Variants in ZNF232 observed in about 807,000 individuals in gnomAD.
ZNF232 encodes zinc finger and SCAN domain-containing protein 11.
In ZNF232, 25 loss-of-function variants were observed where a neutral mutation model predicts 25.2. The observed-to-expected ratio is 0.99, with a 90% CI of 0.72 to 1.39. The LOEUF (loss-of-function observed/expected upper bound fraction) is 1.39, where lower values mean the gene tolerates loss of function less well. ZNF232 is among the 40% of genes most tolerant of loss of function. The pLI is 0.00. For synonymous variants in ZNF232, 193 were observed against 182.9 expected (o/e 1.06, Z -0.45); for missense variants, 519 against 520.9 (o/e 1.00, Z 0.04).
At chr17:5,120,855 G>T in intron 1 of ZNF232, 1 of 454,534 alleles carries the variant, frequency 2.2e-6, no homozygotes. Flanking sequence ...GGTGCAGCTG[G>T]AACGCTGGCA....
chr17:5,109,463 G>A, exon 2 of ZNF232: 1 of 1,614,114 alleles, frequency 6.2e-7, no homozygotes. Flanking sequence ...CACTCTTAGG[G>A]TGATGTCCCC....
In ZNF232 at chr17:5,109,050, G is replaced by A. The variant is rs765508004; in HGVS notation, c.501C>T (p.Val167=). The A allele has an allele frequency of 2.5e-6, 4 of 1,613,852 alleles. No homozygotes were observed. In the Admixed American group the frequency reaches 5.0e-5, roughly 20 times the overall value. The change falls in exon 3 of 4, where the codon GTC becomes GTT. Residue 167 remains valine, a splice_region_variant and synonymous_variant. Transcript: ENST00000575898. ...GTGCAGGTCCATGTGCAGGGCCTGG[G>A]ACCTGGAGGTGATCAGGCACCACTC...
chr17:5,112,940 C>G (rs2072453306), upstream of ZNF232, among the ~76,000 whole-genome samples: 1 of 151,160 alleles, frequency 6.6e-6, no homozygotes, highest in African/African-American at 2.4e-5. Context: ...GCCTGGGCGA[C>G]AGAGTGAGAC....
chr17:5,108,814 T>C lies in ZNF232; in HGVS notation c.625+112A>G, dbSNP rs2072323374. ...AGAGATAAGAATAGTAAGGCTGTGATGATACCAAACATTTAAGCACCTACT... is the reference window on the plus strand; with the variant it reads ...AGAGATAAGAATAGTAAGGCTGTGACGATACCAAACATTTAAGCACCTACT... On this transcript the variant is annotated intron_variant, in intron 3 of 3. Transcript: ENST00000575898. The C allele has an allele frequency of 2.0e-6, 3 of 1,519,998 alleles. No individual in the cohort carries two copies. The Admixed American group carries it at 5.6e-5, about 28-fold the overall frequency. The allele number at this position is 1,519,998 out of a possible 1,614,324, so 94.2% of individuals were successfully genotyped here.
intron 1 of ZNF232, 126 bp downstream of exon 1, chr17:5,111,674 C>T (rs568431172): frequency 1.4e-5 from 21 of 1,490,360 alleles, no homozygotes; most frequent in Admixed American, 1.9e-5. Context: ...GCAACCCAAA[C>T]CCCTCTCCAC....
chr17:5,122,111 C>A (rs2072688985), intron 1 of ZNF232, among the ~76,000 whole-genome samples: 1 of 151,162 alleles, frequency 6.6e-6, no homozygotes, highest in African/African-American at 2.4e-5. Flanking sequence ...GGGAGTGTGG[C>A]CAGAGAAGTC....
chr17:5,106,659 T>A (rs2072268193), intron 3 of ZNF232, 126 bp from the exon 4 acceptor site: 1 of 824,188 alleles, frequency 1.2e-6, no homozygotes, highest in Non-Finnish European at 1.8e-6. Context: ...CCAACAGTTA[T>A]CTCTTGGTGA....
At chr17:5,112,457 T>A (rs534578764), upstream of ZNF232, 8 of 152,104 alleles carry the variant, frequency 5.3e-5, no homozygotes, top group South Asian at 2.1e-4. Flanking sequence ...TTTTTTATTT[T>A]ATTTATTTAT....
upstream of ZNF232, among the ~76,000 whole-genome samples, chr17:5,112,968 A>G (rs1489733486): frequency 1.3e-5 from 2 of 151,232 alleles, no homozygotes; most frequent in African/African-American, 4.9e-5. Context: ...CAAAAAAAAA[A>G]TTAATTAAAA....
intron 1 of ZNF232, chr17:5,111,082 G>C (rs1028347144): frequency 1.3e-5 from 2 of 152,224 alleles, no homozygotes; most frequent in Middle Eastern, 6.3e-3. Context: ...ATACAGTAGA[G>C]GAAGAAGTCA....
chr17:5,109,804 C>T, exon 2 of ZNF232: 2 of 1,614,204 alleles, frequency 1.2e-6, no homozygotes, highest in East Asian at 4.5e-5. Flanking sequence ...GTTAGTGATA[C>T]AGCCATCCTA....
In ZNF232 at chr17:5,105,735, C is replaced by A; in HGVS notation, c.*89G>T. On this transcript the variant is annotated 3_prime_UTR_variant, in exon 4 of 4. Coordinates refer to ENST00000575898, the Ensembl canonical transcript of ZNF232. ...AAATCAAGAAAGACACAGGAAAAAT[C>A]TTAAGGAACTTATAACTTTTATGGG... 7.8e-7 allele frequency: 1 copy of A among 1,288,184 alleles called. No homozygotes were observed. Among genetic ancestry groups the A allele is most frequent in the Non-Finnish European group, 1.1e-6 (1 of 946,752 alleles). The allele number at this position is 1,288,184 out of a possible 1,614,324, so 79.8% of individuals were successfully genotyped here. A position where few individuals can be genotyped will look rare whatever the true frequency, so the allele number is the denominator to read the frequency against.
At chr17:5,109,849 T>A in exon 2 of ZNF232, 1 of 1,608,544 alleles carries the variant, frequency 6.2e-7, no homozygotes, top group Non-Finnish European at 8.5e-7. Flanking sequence ...TCATACCAGC[T>A]GGAATCTTGC....
exon 3 of ZNF232, chr17:5,109,036 T>A: frequency 3.1e-6 from 5 of 1,614,116 alleles, no homozygotes; most frequent in Non-Finnish European, 4.2e-6. Flanking sequence ...TGCAGGTCCA[T>A]GTGCAGGGCC....
chr17:5,120,814 T>G, intron 1 of ZNF232: 1 of 452,554 alleles, frequency 2.2e-6, no homozygotes, highest in Admixed American at 2.4e-5. Context: ...TAAGCAGGTG[T>G]GCACACATGT....
Position 5,122,575 on chromosome 17 carries a change from CCCCTCCCCAG to C in ZNF232, c.-530+392_-530+401del, listed in dbSNP as rs1157326425. On this transcript the variant is annotated intron_variant, in intron 1 of 4. Transcript: ENST00000250076. ...GGCCGAACCGGCCCCAGCCCTGGGC[CCCCTCCCCAG>C]CCCAACCCAGCCCCGACCCTCCGCT... 7.9e-5 allele frequency among the ~76,000 whole-genome samples: 12 copies of C among 152,348 alleles called. No individual in the cohort carries two copies. The East Asian group carries it at 2.3e-3, about 29-fold the overall frequency.
chr17:5,120,787 T>C (rs2072636417), intron 1 of ZNF232: 2 of 448,982 alleles, frequency 4.5e-6, no homozygotes, highest in African/African-American at 2.0e-5. Flanking sequence ...TTCTTCAGCA[T>C]GGTGGGTGGC....
At chr17:5,120,170 A>G (rs567054121) in intron 1 of ZNF232, among the ~76,000 whole-genome samples, 1 of 152,126 alleles carries the variant, frequency 6.6e-6, no homozygotes, top group Non-Finnish European at 1.5e-5. Context: ...GGCTGGTTAT[A>G]CATTGCTTTC....
intron 1 of ZNF232, 134 bp downstream of exon 1, chr17:5,111,666 A>T: frequency 7.1e-7 from 1 of 1,405,644 alleles, no homozygotes; most frequent in Non-Finnish European, 9.7e-7. Flanking sequence ...CACCACGGGC[A>T]ACCCAAACCC....
Sources: gnomAD v4.1 joint callset for allele counts (sites outside exome capture counted in the v4.1 genomes callset) on GRCh38, gnomAD v4.1.1 for gene constraint, MANE v1.5 for transcripts, NCBI Gene and HGNC (gene_info 2026-07-23, HGNC 2026-07-21) for gene names.